Variants in ALDH1L2 observed in about 807,000 individuals in gnomAD.
ALDH1L2 encodes the protein aldehyde dehydrogenase 1 family member L2, also known as mitochondrial 10-formyltetrahydrofolate dehydrogenase.
A neutral mutation model predicts 111.0 loss-of-function variants in ALDH1L2; 91 were observed. The observed-to-expected ratio is 0.82, with a 90% CI of 0.69 to 0.98. The LOEUF is 0.98. ALDH1L2 is among the 50% of genes least tolerant of loss of function. The probability of loss-of-function intolerance (pLI) is 0.00; values close to 1 mark genes in which losing one functional copy is unlikely to be tolerated. For synonymous variants in ALDH1L2, 374 were observed against 392.6 expected (o/e 0.95, Z 0.56); for missense variants, 995 against 1,126.8 (o/e 0.88, Z 1.67).
intron 17 of ALDH1L2, among the ~76,000 whole-genome samples, chr12:105,038,692 G>T (rs1230653510): frequency 6.6e-6 from 1 of 151,918 alleles, no homozygotes; most frequent in African/African-American, 2.4e-5. Context: ...AAAGAAAAAG[G>T]AAAAAGTTAT....
chr12:105,046,215 ATATATATTTTTTTTTTTT>A (rs1875886620), intron 15 of ALDH1L2, among the ~76,000 whole-genome samples: 10 of 37,710 alleles, frequency 2.7e-4, no homozygotes, highest in African/African-American at 1.2e-3. Flanking sequence ...ATATATATAT[ATATATATTTTTTTTTTTT>A]TTTTTTTTTT....
In ALDH1L2 at chr12:105,022,171, C is replaced by T. The variant is rs1185601295; in HGVS notation, c.*2253G>A. 3 of 152,186 alleles carry T rather than the reference C, an allele frequency of 2.0e-5. No homozygotes were observed. The highest frequency in any genetic ancestry group is 4.4e-5 in the Non-Finnish European group (3 of 68,024). 9.4% of individuals were successfully genotyped at this position (152,186 alleles called of 1,614,324 possible). On this transcript the variant is annotated 3_prime_UTR_variant, in exon 23 of 23. Coordinates refer to ENST00000258494, the MANE Select transcript of ALDH1L2 (RefSeq NM_001034173.4). The stretch of plus-strand genomic sequence containing the variant: ...GTTCACTTGGTAACTTTATGTATTA[C>T]ACAGAGCCTTTGATTCTGATCAGCC...
intron 2 of ALDH1L2, among the ~76,000 whole-genome samples, chr12:105,071,643 T>TATATATATATATATATATATATATATATA (rs55911058): frequency 7.2e-5 from 1 of 13,896 alleles, no homozygotes; most frequent in Non-Finnish European, 1.2e-4. Flanking sequence ...TATATATATA[T>TATATATATATATATATATATATATATATA]TTTTTTTTTT....
intron 15 of ALDH1L2, among the ~76,000 whole-genome samples, chr12:105,045,164 A>T (rs182211772): frequency 3.9e-5 from 6 of 152,026 alleles, no homozygotes; most frequent in Admixed American, 1.3e-4. Flanking sequence ...GCTCACTGCA[A>T]CCTCTGCCTC....
chr12:105,034,828 A>AG (rs1874897906), intron 18 of ALDH1L2, among the ~76,000 whole-genome samples: 1 of 152,028 alleles, frequency 6.6e-6, no homozygotes, highest in Non-Finnish European at 1.5e-5. Context: ...CACTAAAAAT[A>AG]CAAAAATTAG....
chr12:105,020,877 T>G lies in ALDH1L2; in HGVS notation c.*3547A>C, dbSNP rs924712629. On this transcript the variant is annotated 3_prime_UTR_variant, in exon 23 of 23. Transcript: ENST00000258494. ...AACTCTGTATTCAGTGAAGGCAAATTAGTGGCTCAAAAATAGCCTTGATGA... is the reference window on the plus strand; with the variant it reads ...AACTCTGTATTCAGTGAAGGCAAATGAGTGGCTCAAAAATAGCCTTGATGA... 2.1e-4 allele frequency: 32 copies of G among 152,170 alleles called. No homozygotes were observed. The highest frequency in any genetic ancestry group is 1.0e-4 in the Non-Finnish European group (7 of 68,052). 9.4% of individuals were successfully genotyped at this position (152,170 alleles called of 1,614,324 possible). A position where few individuals can be genotyped will look rare whatever the true frequency, so the allele number is the denominator to read the frequency against.
intron 6 of ALDH1L2, among the ~76,000 whole-genome samples, chr12:105,064,344 A>T (rs1218946833): frequency 6.6e-6 from 1 of 151,726 alleles, no homozygotes; most frequent in Non-Finnish European, 1.5e-5. Context: ...GTCCCATTTT[A>T]CATTGAGGAA....
chr12:105,080,308 G>A (rs554726783), intron 1 of ALDH1L2, among the ~76,000 whole-genome samples: 1 of 152,130 alleles, frequency 6.6e-6, no homozygotes, highest in East Asian at 1.9e-4. Context: ...AGTGAAAAAT[G>A]GTATCTTGTT....
At chr12:105,031,709 G>A (rs182750218) in intron 20 of ALDH1L2, 60 bp downstream of exon 20, 212 of 1,573,730 alleles carry the variant, frequency 1.3e-4, no homozygotes, top group African/African-American at 8.3e-4. Flanking sequence ...TTAAACTGTC[G>A]CTGTCCATTC....
Position 105,046,752 on chromosome 12 carries a change from C to G in ALDH1L2, c.1821G>C (p.Ala607=). Residue 607 remains alanine, a synonymous_variant, in exon 15 of 23, where the codon GCG becomes GCC. Transcript: ENST00000258494. The part of the protein sequence containing the change: ...PLMMLAWKSA[A]CLAAGNTLVL... ...CTAAGGTATTGCCTGCTGCCAAACA[C>G]GCAGCACTCTTCCATGCCAGCATCA... The G allele has an allele frequency of 6.2e-7, 1 of 1,614,150 alleles. No individual in the cohort carries two copies. Among genetic ancestry groups the G allele is most frequent in the Non-Finnish European group, 8.5e-7 (1 of 1,180,026 alleles).
In ALDH1L2 at chr12:105,050,036, T is replaced by C; in HGVS notation, c.1558A>G (p.Asn520Asp). The C allele has an allele frequency of 6.2e-7, 1 of 1,605,090 alleles. No individual in the cohort carries two copies. Among genetic ancestry groups the C allele is most frequent in the African/African-American group, 1.3e-5 (1 of 74,674 alleles). Residue 520 changes from asparagine to aspartate, a missense_variant, in exon 13 of 23, where the codon AAC becomes GAC. Physicochemically the swap from Asn to Asp is conservative, Grantham distance 23. Transcript: ENST00000258494. ...MYRLADLLEENQEELATIEAL... is the reference protein window; with the variant it reads ...MYRLADLLEEDQEELATIEAL... The stretch of plus-strand genomic sequence containing the variant: ...TCAATAGTTGCCAGCTCTTCTTGGT[T>C]CTCTTCCAGTAGGTCTGCAAGTCTG...
At chr12:105,044,941 A>T (rs1875752100) in intron 15 of ALDH1L2, among the ~76,000 whole-genome samples, 1 of 152,106 alleles carries the variant, frequency 6.6e-6, no homozygotes, top group Non-Finnish European at 1.5e-5. Context: ...GTTTTTAAAA[A>T]TTTTATTGTG....
Position 105,046,817 on chromosome 12 carries a change from T to C in ALDH1L2, c.1758-2A>G. 1 of 1,613,894 alleles carries C rather than the reference T, an allele frequency of 6.2e-7. No individual in the cohort carries two copies. Among genetic ancestry groups the C allele is most frequent in the Non-Finnish European group, 8.5e-7 (1 of 1,179,844 alleles). On this transcript the variant is annotated splice_acceptor_variant, in intron 14 of 22. Transcript: ENST00000258494. LOFTEE classifies it high-confidence loss of function. The stretch of plus-strand genomic sequence containing the variant: ...CAGGGAATAATAATGGCACAGACAC[T>C]GCAGGGGAAGAAATTCGACATGCTT...
intron 22 of ALDH1L2, among the ~76,000 whole-genome samples, chr12:105,025,573 C>T (rs919756497): frequency 6.6e-6 from 1 of 152,090 alleles, no homozygotes; most frequent in Non-Finnish European, 1.5e-5. Flanking sequence ...CTTACCTTCA[C>T]CCAATGGAAT....
intron 15 of ALDH1L2, among the ~76,000 whole-genome samples, chr12:105,045,679 C>T (rs967091271): frequency 2.6e-5 from 4 of 151,970 alleles, no homozygotes; most frequent in Non-Finnish European, 2.9e-5. Context: ...AAACTTTGAA[C>T]GTATACCTAC....
At position 105,074,874 on chromosome 12, in the gene ALDH1L2, AC is replaced by A. The variant is rs547961547; in HGVS notation, c.49-870del. Among the ~76,000 whole-genome samples the A allele has an allele frequency of 1.2e-3, 181 of 152,338 alleles. 1 individual carries two copies. The highest frequency in any genetic ancestry group is 3.9e-3 in the African/African-American group (161 of 41,564). On this transcript the variant is annotated intron_variant, in intron 1 of 22. Transcript: ENST00000258494. Reference sequence around the variant, plus strand: ...TTAACTAATTTAACTAATTAAAAAAACATCCTAGGGTCAGCCAAACTTTCTA... The same window carrying A: ...TTAACTAATTTAACTAATTAAAAAAAATCCTAGGGTCAGCCAAACTTTCTA...
At chr12:105,068,935 G>T in intron 3 of ALDH1L2, 51 bp from the exon 4 acceptor site, 1 of 1,373,662 alleles carries the variant, frequency 7.3e-7, no homozygotes, top group Non-Finnish European at 9.7e-7. Flanking sequence ...GTATCATAAA[G>T]TGATGAATTA....
intron 6 of ALDH1L2, among the ~76,000 whole-genome samples, chr12:105,063,813 C>T (rs1458965561): frequency 6.6e-6 from 1 of 151,966 alleles, no homozygotes; most frequent in Non-Finnish European, 1.5e-5. Context: ...CAGAGAGTAA[C>T]CAAGAGACAC....
chr12:105,036,098 T>C lies in ALDH1L2; in HGVS notation c.2146-1700A>G, dbSNP rs181525667. On this transcript the variant is annotated intron_variant, in intron 18 of 22. Transcript: ENST00000258494. ...TTTATATATGTGTATATATTATATA[T>C]ACGTATATTTATATATGTGTATATA... is the stretch of plus-strand genomic sequence containing the variant. 3.9e-3 allele frequency among the ~76,000 whole-genome samples: 227 copies of C among 57,820 alleles called. 3 individuals are homozygous for C. Among genetic ancestry groups the C allele is most frequent in the Non-Finnish European group, 5.3e-3 (172 of 32,184 alleles). 37.9% of individuals were successfully genotyped at this position (57,820 alleles called of 152,430 possible).
Sources: allele counts gnomAD v4.1 joint callset (sites outside exome capture counted in the v4.1 genomes callset), GRCh38; gene constraint gnomAD v4.1.1; transcripts MANE v1.5; gene names NCBI Gene and HGNC (gene_info 2026-07-23, HGNC 2026-07-21).